The following CCSER1 variants were observed in gnomAD, a reference collection of about 807,000 sequenced individuals.
CCSER1 encodes the protein coiled-coil serine rich protein 1.
Under a neutral mutation model 82.0 loss-of-function variants are expected in CCSER1, and 41 were observed. The observed-to-expected ratio is 0.50, with a 90% confidence interval of 0.39 to 0.65. The LOEUF is 0.65. Among genes scored for constraint, CCSER1 ranks in the 30% least tolerant of loss-of-function variants. CCSER1 has a pLI of 0.00. For synonymous variants in CCSER1, 414 were observed against 383.9 expected (o/e 1.08, Z -0.92); for missense variants, 1,119 against 1,064.2 (o/e 1.05, Z -0.72).
intron 10 of CCSER1, among the ~76,000 whole-genome samples, chr4:91,597,790 G>GC (rs11384264): frequency 0.5 from 76,269 of 151,748 alleles, 19,434 homozygotes; most frequent in East Asian, 0.62. Context: ...AATTAAGCCA[G>GC]CCAGTCTCAG....
intron 1 of CCSER1, among the ~76,000 whole-genome samples, chr4:90,289,621 C>T (rs1355404650): frequency 6.6e-6 from 1 of 151,750 alleles, no homozygotes; most frequent in Non-Finnish European, 1.5e-5. Context: ...TTGTAGCTCA[C>T]ATAGATGCAA....
intron 8 of CCSER1, among the ~76,000 whole-genome samples, chr4:90,839,637 A>G (rs1456037664): frequency 2.6e-5 from 4 of 152,204 alleles, no homozygotes; most frequent in Non-Finnish European, 5.9e-5. Flanking sequence ...ACATCTACAG[A>G]TCAAATTACC....
intron 5 of CCSER1, among the ~76,000 whole-genome samples, chr4:90,559,276 A>G (rs1778456861): frequency 6.6e-6 from 1 of 152,174 alleles, no homozygotes; most frequent in South Asian, 2.1e-4. Context: ...TGAGATAGTA[A>G]ATGGCACATA....
intron 4 of CCSER1, among the ~76,000 whole-genome samples, chr4:90,415,792 T>C (rs1755698545): frequency 6.6e-6 from 1 of 152,194 alleles, no homozygotes; most frequent in Non-Finnish European, 1.5e-5. Flanking sequence ...ATGGGAAATA[T>C]GCACCTGGGT....
intron 10 of CCSER1, among the ~76,000 whole-genome samples, chr4:91,457,951 GTTA>G (rs1484398676): frequency 2.0e-5 from 3 of 152,090 alleles, no homozygotes; most frequent in Non-Finnish European, 4.4e-5. Flanking sequence ...GAACTGATGT[GTTA>G]TTTTCAATGA....
chr4:90,849,225 A>G (rs1763556859), intron 8 of CCSER1, among the ~76,000 whole-genome samples: 1 of 152,174 alleles, frequency 6.6e-6, no homozygotes, highest in South Asian at 2.1e-4. Flanking sequence ...AATGGCTGTG[A>G]CCAAAATGCT....
In CCSER1 at chr4:91,439,458, C is replaced by T. The variant is rs570035117; in HGVS notation, c.2218-159114C>T. 2.8e-3 allele frequency among the ~76,000 whole-genome samples: 426 copies of T among 152,044 alleles called. 2 individuals carry two copies. Among genetic ancestry groups the T allele is most frequent in the African/African-American group, 9.8e-3 (407 of 41,464 alleles). On this transcript the variant is annotated intron_variant, in intron 10 of 10. Transcript: ENST00000509176. ...AGAGACTTTGTCACCACCAGGCCTG[C>T]CCTAAAAGAGCTCCTGAAGGAAGCA...
intron 10 of CCSER1, among the ~76,000 whole-genome samples, chr4:91,374,332 A>G (rs1289165501): frequency 6.6e-6 from 1 of 152,210 alleles, no homozygotes; most frequent in Non-Finnish European, 1.5e-5. Flanking sequence ...GACTCCTGTT[A>G]GAGGCTAACG....
intron 10 of CCSER1, among the ~76,000 whole-genome samples, chr4:91,186,297 CCTT>C (rs1239323879): frequency 6.6e-6 from 1 of 152,146 alleles, no homozygotes; most frequent in Non-Finnish European, 1.5e-5. Flanking sequence ...ACTATACTCT[CCTT>C]CCTCCTCCTC....
At chr4:90,767,288 A>G (rs987785610) in intron 7 of CCSER1, among the ~76,000 whole-genome samples, 1 of 151,140 alleles carries the variant, frequency 6.6e-6, no homozygotes, top group African/African-American at 2.4e-5. Context: ...TAAAAGAAGC[A>G]AGTGCAAATG....
At chr4:91,270,771 T>C (rs565227627) in intron 10 of CCSER1, among the ~76,000 whole-genome samples, 32 of 152,316 alleles carry the variant, frequency 2.1e-4, no homozygotes, top group African/African-American at 7.2e-4. Flanking sequence ...CTTTCCTATT[T>C]GTGGTAATGG....
At chr4:91,143,162 G>A (rs1437673497) in intron 10 of CCSER1, among the ~76,000 whole-genome samples, 1 of 151,602 alleles carries the variant, frequency 6.6e-6, no homozygotes, top group Non-Finnish European at 1.5e-5. Context: ...TCTTTCAGCA[G>A]TTTTTTGTAG....
intron 10 of CCSER1, among the ~76,000 whole-genome samples, chr4:91,503,485 G>A (rs1294995865): frequency 6.6e-6 from 1 of 152,088 alleles, no homozygotes; most frequent in Non-Finnish European, 1.5e-5. Context: ...ATAAATGTGA[G>A]AAATGTCAGT....
At chr4:90,473,503 T>C (rs1764663520) in intron 5 of CCSER1, among the ~76,000 whole-genome samples, 1 of 152,206 alleles carries the variant, frequency 6.6e-6, no homozygotes, top group Admixed American at 6.5e-5. Context: ...TGCTTCAGTT[T>C]CTTGTCATGA....
At chr4:90,511,124 G>T (rs1277767505) in intron 5 of CCSER1, among the ~76,000 whole-genome samples, 1 of 152,130 alleles carries the variant, frequency 6.6e-6, no homozygotes, top group Non-Finnish European at 1.5e-5. Context: ...AGAGTAAGAT[G>T]AAGCTAGAAA....
intron 3 of CCSER1, among the ~76,000 whole-genome samples, chr4:90,372,419 T>C (rs1747591736): frequency 6.6e-6 from 1 of 152,106 alleles, no homozygotes; most frequent in South Asian, 2.1e-4. Context: ...CTGAGTGATA[T>C]TGGAGCATGG....
chr4:90,623,910 C>T lies in CCSER1; in HGVS notation c.1725-4115C>T, dbSNP rs553573945. Among the ~76,000 whole-genome samples, 8 of 152,128 alleles carry T rather than the reference C, an allele frequency of 5.3e-5. No homozygotes were observed. In the South Asian group the frequency reaches 1.0e-3, roughly 20 times the overall value. ...ATTAATATAGATTTATGTCATTGTGCTGGTCTTAGAATTATTCAAGCTAGG... is the reference window on the plus strand; with the variant it reads ...ATTAATATAGATTTATGTCATTGTGTTGGTCTTAGAATTATTCAAGCTAGG... On this transcript the variant is annotated intron_variant, in intron 5 of 10. Transcript: ENST00000509176.
At chr4:90,826,847 G>T (rs554520346) in intron 8 of CCSER1, among the ~76,000 whole-genome samples, 10 of 152,172 alleles carry the variant, frequency 6.6e-5, no homozygotes, top group Non-Finnish European at 1.5e-4. Context: ...ACTATTTATG[G>T]ATTGGTTACC....
At chr4:91,564,538 C>T (rs1438862587) in intron 10 of CCSER1, among the ~76,000 whole-genome samples, 1 of 151,968 alleles carries the variant, frequency 6.6e-6, no homozygotes, top group Non-Finnish European at 1.5e-5. Flanking sequence ...CTTTTCTCTG[C>T]AACCTTGTTG....
Sources: allele counts gnomAD v4.1 joint callset (sites outside exome capture counted in the v4.1 genomes callset), GRCh38; gene constraint gnomAD v4.1.1; transcripts MANE v1.5; gene names NCBI Gene and HGNC (gene_info 2026-07-23, HGNC 2026-07-21).